The following DPP10 variants were observed in gnomAD, a reference collection of about 807,000 sequenced individuals.
DPP10 encodes the protein dipeptidyl peptidase like 10, also known as inactive dipeptidyl peptidase 10.
DPP10 carries 33 observed loss-of-function variants against 120.9 expected under a neutral mutation model. That is an observed-to-expected ratio of 0.27 (90% CI 0.21 to 0.37). The LOEUF (loss-of-function observed/expected upper bound fraction) is 0.37, where lower values mean the gene tolerates loss of function less well. DPP10 is among the 10% of genes least tolerant of loss of function. The pLI is 1.00. For synonymous variants in DPP10, 337 were observed against 326.1 expected, an observed-to-expected ratio of 1.03 and a Z score of -0.36; for missense variants, 816 against 942.8, an observed-to-expected ratio of 0.87 and a Z score of 1.76.
chr2:115,560,001 C>T (rs920282858), intron 5 of DPP10, among the ~76,000 whole-genome samples: 9 of 151,956 alleles, frequency 5.9e-5, no homozygotes, highest in Admixed American at 5.9e-4. Context: ...GTCCTTTCTC[C>T]TGTGTGAACT....
Position 114,757,715 on chromosome 2 carries a change from A to G in DPP10, c.60+314877A>G, listed in dbSNP as rs1574118494. ...AACAGCATCTTGGGATTTGTTAGAA[A>G]TGCAAATTCTCACAACCTGCCCCAG... On this transcript the variant is annotated intron_variant, in intron 1 of 25. Coordinates refer to ENST00000410059, the MANE Select transcript of DPP10 (RefSeq NM_020868.6). Among the ~76,000 whole-genome samples, 4 of 152,142 alleles carry G rather than the reference A, an allele frequency of 2.6e-5. No homozygotes were observed. The East Asian group carries it at 7.8e-4, about 30-fold the overall frequency.
intron 1 of DPP10, among the ~76,000 whole-genome samples, chr2:114,823,518 C>T (rs1414401545): frequency 2.0e-5 from 3 of 152,138 alleles, no homozygotes; most frequent in Non-Finnish European, 2.9e-5. Context: ...GCCCTGTAAC[C>T]TTCTGTAGCT....
intron 1 of DPP10, among the ~76,000 whole-genome samples, chr2:114,753,908 C>T (rs1343490455): frequency 5.9e-5 from 2 of 33,766 alleles, no homozygotes; most frequent in Non-Finnish European, 1.3e-4. Flanking sequence ...GACTCCTTCT[C>T]AAAAAAAAAA....
At chr2:114,827,010 A>G (rs1023708317) in intron 1 of DPP10, among the ~76,000 whole-genome samples, 4 of 152,060 alleles carry the variant, frequency 2.6e-5, no homozygotes, top group Admixed American at 2.0e-4. Context: ...CATCTGTCAC[A>G]TGAGGATCTG....
chr2:114,735,873 C>T (rs1677380602), intron 1 of DPP10, among the ~76,000 whole-genome samples: 2 of 151,954 alleles, frequency 1.3e-5, no homozygotes, highest in South Asian at 4.1e-4. Context: ...TCAATGTTCA[C>T]TCTCACTTCA....
intron 1 of DPP10, among the ~76,000 whole-genome samples, chr2:114,650,845 A>G (rs546706374): frequency 6.6e-6 from 1 of 152,298 alleles, no homozygotes; most frequent in African/African-American, 2.4e-5. Flanking sequence ...TCCATTGAAG[A>G]TACCATGTTT....
intron 4 of DPP10, among the ~76,000 whole-genome samples, chr2:115,522,081 A>T (rs1217069202): frequency 6.6e-6 from 1 of 152,202 alleles, no homozygotes; most frequent in Non-Finnish European, 1.5e-5. Flanking sequence ...TTTTAAAATT[A>T]TGAAATTATA....
rs574625134 is a variant in DPP10 at position 115,310,092 on chromosome 2, A to G, written c.175+739A>G. ...CAGTTGTCTTCCAGATACATTTAGCAGTTGCTGCAACCCACCCACCCAACT... is the reference window on the plus strand; with the variant it reads ...CAGTTGTCTTCCAGATACATTTAGCGGTTGCTGCAACCCACCCACCCAACT... On this transcript the variant is annotated intron_variant, in intron 2 of 25. Coordinates refer to ENST00000410059, the MANE Select transcript of DPP10 (RefSeq NM_020868.6). 1.1e-3 allele frequency among the ~76,000 whole-genome samples: 175 copies of G among 152,242 alleles called. 1 individual carries two copies. The highest frequency in any genetic ancestry group is 1.8e-3 in the Non-Finnish European group (119 of 67,994).
Position 115,579,635 on chromosome 2 carries a change from C to T in DPP10, c.441+53663C>T, listed in dbSNP as rs116538144. 1.0e-3 allele frequency: 155 copies of T among 152,170 alleles called. No individual in the cohort carries two copies. The Middle Eastern group carries it at 0.01, about 10-fold the overall frequency. 9.4% of individuals were successfully genotyped at this position (152,170 alleles called of 1,614,324 possible). ...TTTTAAACCAGTATTTATTTGGAAA[C>T]AATTTCAAATTGACAGATAATATTT... On this transcript the variant is annotated intron_variant, in intron 5 of 25. Transcript: ENST00000410059.
At chr2:115,162,495 C>T (rs1294840122) in intron 1 of DPP10, among the ~76,000 whole-genome samples, 1 of 152,164 alleles carries the variant, frequency 6.6e-6, no homozygotes, top group Non-Finnish European at 1.5e-5. Context: ...TTTAGGCGGA[C>T]GGGGTTTTCC....
intron 3 of DPP10, among the ~76,000 whole-genome samples, chr2:115,479,156 G>A (rs539274652): frequency 1.9e-4 from 29 of 152,264 alleles, no homozygotes; most frequent in African/African-American, 6.7e-4. Flanking sequence ...AGCAACCTAA[G>A]TGTCCATTGA....
In DPP10 at chr2:115,532,956, C is replaced by T. The variant is rs977589495; in HGVS notation, c.441+6984C>T. Among the ~76,000 whole-genome samples the T allele has an allele frequency of 4.0e-5, 6 of 151,792 alleles. No individual in the cohort carries two copies. In the East Asian group the frequency reaches 1.2e-3, roughly 29 times the overall value. Reference sequence around the variant, plus strand: ...ATTATTTAACAATTGTATTTTTAAGCCATCCTTAAAAAGTCAAGAGTCCTT... The same window carrying T: ...ATTATTTAACAATTGTATTTTTAAGTCATCCTTAAAAAGTCAAGAGTCCTT... On this transcript the variant is annotated intron_variant, in intron 5 of 25. Coordinates refer to ENST00000410059, the MANE Select transcript of DPP10 (RefSeq NM_020868.6).
chr2:114,490,722 G>A (rs146897355), intron 1 of DPP10, among the ~76,000 whole-genome samples: 1 of 151,880 alleles, frequency 6.6e-6, no homozygotes, highest in Non-Finnish European at 1.5e-5. Flanking sequence ...TTAAGATCTA[G>A]GTTTGTGATC....
At chr2:114,764,322 G>T (rs1574133209) in intron 1 of DPP10, among the ~76,000 whole-genome samples, 1 of 134,678 alleles carries the variant, frequency 7.4e-6, no homozygotes. Context: ...GTTACATTCA[G>T]GCTCTTTCTT....
At chr2:115,728,660 A>G (rs2092826192) in intron 8 of DPP10, among the ~76,000 whole-genome samples, 1 of 152,170 alleles carries the variant, frequency 6.6e-6, no homozygotes, top group African/African-American at 2.4e-5. Flanking sequence ...ATCATTCAAA[A>G]AGTGAATTTT....
chr2:115,209,109 CT>C lies in DPP10; in HGVS notation c.61-100129del, dbSNP rs1400182363. ...CATTTATTTTTTATTTTAGATGACA[CT>C]ATCTTAATCTCAAAAAGATATCCTT... On this transcript the variant is annotated intron_variant, in intron 1 of 25. Transcript: ENST00000410059. Among the ~76,000 whole-genome samples the C allele has an allele frequency of 2.0e-5, 3 of 152,064 alleles. No individual in the cohort carries two copies. The East Asian group carries it at 5.8e-4, about 29-fold the overall frequency.
intron 1 of DPP10, among the ~76,000 whole-genome samples, chr2:115,204,545 C>G (rs1186451228): frequency 6.6e-6 from 1 of 152,144 alleles, no homozygotes; most frequent in Non-Finnish European, 1.5e-5. Context: ...AAAACAACCA[C>G]TAAAGCAGAT....
intron 1 of DPP10, among the ~76,000 whole-genome samples, chr2:114,475,651 T>G (rs1680311321): frequency 6.6e-6 from 1 of 152,232 alleles, no homozygotes; most frequent in Admixed American, 6.5e-5. Flanking sequence ...CTCATTCTCA[T>G]GGACACTAAA....
chr2:115,004,461 T>C (rs938150677), intron 1 of DPP10, among the ~76,000 whole-genome samples: 15 of 152,070 alleles, frequency 9.9e-5, no homozygotes, highest in Non-Finnish European at 2.1e-4. Flanking sequence ...AGGTACCGGG[T>C]TCATCTCACT....
Sources: allele counts gnomAD v4.1 joint callset (sites outside exome capture counted in the v4.1 genomes callset), GRCh38; gene constraint gnomAD v4.1.1; transcripts MANE v1.5; gene names NCBI Gene and HGNC (gene_info 2026-07-23, HGNC 2026-07-21).